ZNF469: variants seen among roughly 807,000 people sequenced by gnomAD.
The protein encoded by ZNF469 is zinc finger protein 469.
In ZNF469, 1 loss-of-function variant was observed where a neutral mutation model predicts 1.0. The ratio of observed to expected loss-of-function variants is 1.00; its 90% CI spans 0.35 to 4.73. ZNF469 has a LOEUF of 4.73. Ranked by LOEUF, ZNF469 falls within the 30% of genes most tolerant of loss-of-function variation. ZNF469 has a pLI of 0.16. For synonymous variants in ZNF469, 2,703 were observed against 2,363.4 expected, an observed-to-expected ratio of 1.14 and a Z score of -4.17; for missense variants, 6,100 against 5,356.3, an observed-to-expected ratio of 1.14 and a Z score of -4.33.
the ZNF469 span, among the ~76,000 whole-genome samples, chr16:88,164,909 C>T: frequency 4.6e-5 from 7 of 152,216 alleles, no homozygotes; most frequent in Admixed American, 6.5e-5. Context: ...ACTGAGCGTG[C>T]TTTCCAAATT....
chr16:88,375,146 G>T, the ZNF469 span, among the ~76,000 whole-genome samples: 1 of 152,222 alleles, frequency 6.6e-6, no homozygotes, highest in Non-Finnish European at 1.5e-5. Flanking sequence ...TAGAATTCAT[G>T]ACCAGCGTGG....
rs1278419409 is a variant in ZNF469, at chr16:88,438,420, G to A, written c.10950G>A (p.Val3650=). 3.2e-6 allele frequency: 5 copies of A among 1,550,026 alleles called. No homozygotes were observed. In the Admixed American group the frequency reaches 5.9e-5, roughly 18 times the overall value. The part of the protein sequence containing the change: ...EDHLLQKEKE[V]SSSHMVSEGG... ...ACCTACTTCAGAAAGAGAAGGAGGT[G>A]TCCTCAAGCCACATGGTGTCTGAGG... is the stretch of plus-strand genomic sequence containing the variant. Residue 3650 remains valine, a synonymous_variant, in exon 3 of 3, where the codon GTG becomes GTA. Coordinates refer to ENST00000565624, the MANE Select transcript of ZNF469 (RefSeq NM_001367624.2).
At chr16:88,242,415 C>A in the ZNF469 span, among the ~76,000 whole-genome samples, 2 of 152,168 alleles carry the variant, frequency 1.3e-5, no homozygotes, top group South Asian at 2.1e-4. Flanking sequence ...GTCGAGGCCG[C>A]CTTCTCCTTG....
intron 1 of ZNF469, among the ~76,000 whole-genome samples, chr16:88,412,337 G>T (rs901320206): frequency 3.3e-5 from 5 of 152,040 alleles, no homozygotes; most frequent in African/African-American, 1.2e-4. Flanking sequence ...GTGACTGCAG[G>T]CACCTCGCTT....
At chr16:88,106,349 G>A in the ZNF469 span, among the ~76,000 whole-genome samples, 179 of 152,292 alleles carry the variant, frequency 1.2e-3, no homozygotes, top group African/African-American at 4.1e-3. Flanking sequence ...TTCTCCATCC[G>A]AGAGGCAGTA....
chr16:88,206,564 A>AC, the ZNF469 span, among the ~76,000 whole-genome samples: 11 of 149,578 alleles, frequency 7.4e-5, no homozygotes, highest in Admixed American at 1.3e-4. Flanking sequence ...TTTATGACAA[A>AC]AAAACAAACA....
chr16:88,131,185 C>G, the ZNF469 span, among the ~76,000 whole-genome samples: 1 of 152,220 alleles, frequency 6.6e-6, no homozygotes, highest in African/African-American at 2.4e-5. Flanking sequence ...GCTGTCTGGG[C>G]CATTCCGTGT....
At chr16:88,328,731 T>C in the ZNF469 span, among the ~76,000 whole-genome samples, 3 of 152,046 alleles carry the variant, frequency 2.0e-5, no homozygotes, top group African/African-American at 7.2e-5. Context: ...CTGAGTGCAA[T>C]GGGAGAGGGT....
chr16:88,159,227 T>TACTAG, the ZNF469 span, among the ~76,000 whole-genome samples: 2 of 145,206 alleles, frequency 1.4e-5, no homozygotes, highest in African/African-American at 5.1e-5. Flanking sequence ...CTCACCGTCC[T>TACTAG]GCAGCGTCTG....
At chr16:88,179,272 G>A in the ZNF469 span, among the ~76,000 whole-genome samples, 7 of 152,176 alleles carry the variant, frequency 4.6e-5, no homozygotes, top group Non-Finnish European at 8.8e-5. Flanking sequence ...GCTTCCTGCC[G>A]ACCCCACCTG....
the ZNF469 span, among the ~76,000 whole-genome samples, chr16:88,290,109 T>A: frequency 1.3e-5 from 2 of 152,178 alleles, no homozygotes; most frequent in Admixed American, 6.5e-5. Flanking sequence ...TGTAGCTCAG[T>A]CCCTCTGAGA....
the ZNF469 span, among the ~76,000 whole-genome samples, chr16:88,118,005 C>T: frequency 2.0e-5 from 3 of 152,236 alleles, no homozygotes; most frequent in Admixed American, 6.5e-5. Flanking sequence ...TGCAGTGGCA[C>T]GATCTCATCT....
chr16:88,397,351 G>A (rs188937506), intron 1 of ZNF469, among the ~76,000 whole-genome samples: 4 of 152,334 alleles, frequency 2.6e-5, no homozygotes, highest in Admixed American at 2.6e-4. Flanking sequence ...CCCACTCGGG[G>A]CTTGTGGCCT....
the ZNF469 span, among the ~76,000 whole-genome samples, chr16:88,334,793 G>A: frequency 1.9e-4 from 29 of 152,334 alleles, no homozygotes; most frequent in African/African-American, 6.7e-4. Flanking sequence ...GGACACACAT[G>A]TGATGGATAC....
chr16:88,426,632 G>A (rs1230461739), intron 2 of ZNF469, among the ~76,000 whole-genome samples: 2 of 152,242 alleles, frequency 1.3e-5, no homozygotes, highest in African/African-American at 2.4e-5. Flanking sequence ...AGGTTACCCT[G>A]TAAGGCCTGG....
the ZNF469 span, among the ~76,000 whole-genome samples, chr16:88,313,573 A>C: frequency 6.7e-6 from 1 of 149,396 alleles, no homozygotes; most frequent in Non-Finnish European, 1.5e-5. Context: ...CTCTGTAATT[A>C]AGACAATGAT....
chr16:88,349,268 C>T, the ZNF469 span, among the ~76,000 whole-genome samples: 1 of 152,126 alleles, frequency 6.6e-6, no homozygotes, highest in South Asian at 2.1e-4. Flanking sequence ...GAGCGAGGCT[C>T]TACACGCACA....
chr16:88,169,764 G>A, the ZNF469 span, among the ~76,000 whole-genome samples: 1 of 152,200 alleles, frequency 6.6e-6, no homozygotes, highest in Non-Finnish European at 1.5e-5. The surrounding 1 kb of genome is among the most constrained non-coding windows in gnomAD (Gnocchi z 6.1). Flanking sequence ...GCTTTGGCGT[G>A]TGCATGTTGA....
the ZNF469 span, among the ~76,000 whole-genome samples, chr16:88,102,089 G>C: frequency 7.8e-6 from 1 of 127,532 alleles, no homozygotes; most frequent in African/African-American, 3.1e-5. Context: ...GTGTCCTTAC[G>C]CTTTGTGCAG....
Sources: allele counts gnomAD v4.1 joint callset (sites outside exome capture counted in the v4.1 genomes callset), GRCh38; gene constraint gnomAD v4.1.1; non-coding constraint Gnocchi (gnomAD v3.1); transcripts MANE v1.5; gene names NCBI Gene and HGNC (gene_info 2026-07-23, HGNC 2026-07-21).